Variants in GFM2 observed in about 807,000 individuals in gnomAD.
GFM2 encodes ribosome-releasing factor 2, mitochondrial.
GFM2 carries 72 observed loss-of-function variants against 95.4 expected under a neutral mutation model. The ratio of observed to expected loss-of-function variants is 0.76; its 90% CI spans 0.62 to 0.92. The LOEUF (loss-of-function observed/expected upper bound fraction) is 0.92. GFM2 is among the 40% of genes least tolerant of loss of function. GFM2 has a pLI of 0.00. For synonymous variants in GFM2, 276 were observed against 317.5 expected (o/e 0.87, Z 1.39); for missense variants, 825 against 924.1 (o/e 0.89, Z 1.39).
At chr5:74,755,204 T>C (rs552315349) in intron 5 of GFM2, among the ~76,000 whole-genome samples, 3 of 152,276 alleles carry the variant, frequency 2.0e-5, no homozygotes, top group African/African-American at 7.2e-5. Context: ...TACATCAGCA[T>C]GTAGAACATT....
rs753287997 is a variant in GFM2 at position 74,745,810 on chromosome 5, T to C, written c.717A>G (p.Val239=). 1.9e-6 allele frequency: 3 copies of C among 1,612,842 alleles called. No homozygotes were observed. The highest frequency in any genetic ancestry group is 1.7e-5 in the Admixed American group (1 of 60,000). ...AKTFKGVVDV[V]MKEKLLWNCN... ...AATTCCAAAGAAGTTTTTCTTTCAT[T>C]ACTACATCCACCACTCCTTTGAAAG... Residue 239 remains valine, a synonymous_variant, in exon 10 of 21, where the codon GTA becomes GTG. Coordinates refer to ENST00000296805, the MANE Select transcript of GFM2 (RefSeq NM_032380.5).
intron 5 of GFM2, among the ~76,000 whole-genome samples, chr5:74,754,978 C>T (rs1743906672): frequency 6.6e-6 from 1 of 152,084 alleles, no homozygotes; most frequent in Non-Finnish European, 1.5e-5. Flanking sequence ...CACCTATAAT[C>T]CCAGCTACTT....
At chr5:74,739,575 A>G (rs1374595000) in intron 12 of GFM2, among the ~76,000 whole-genome samples, 1 of 152,176 alleles carries the variant, frequency 6.6e-6, no homozygotes, top group Non-Finnish European at 1.5e-5. Context: ...AGGACTTATT[A>G]CTTAAGTACA....
Position 74,759,256 on chromosome 5 carries a change from T to C in GFM2, c.206+113A>G, listed in dbSNP as rs559924364. The C allele has an allele frequency of 2.2e-4, 154 of 698,104 alleles. No individual in the cohort carries two copies. In the African/African-American group the frequency reaches 2.6e-3, roughly 12 times the overall value. The allele number at this position is 698,104 out of a possible 1,614,324, so 43.2% of individuals were successfully genotyped here. ...ATACATTATCAACATCTACTTAAAATTGGCTAGGGCAGAAAGTCATAGAAA... is the reference window on the plus strand; with the variant it reads ...ATACATTATCAACATCTACTTAAAACTGGCTAGGGCAGAAAGTCATAGAAA... On this transcript the variant is annotated intron_variant, in intron 4 of 20. Transcript: ENST00000296805.
Position 74,721,782 on chromosome 5 carries a change from C to A in GFM2, c.2213G>T (p.Gly738Val), listed in dbSNP as rs139901493. The change falls in exon 21 of 21, where the codon GGT (glycine) becomes GTT (valine). Residue 738 changes from glycine to valine, a missense_variant and splice_region_variant. By Grantham distance (109) the Gly-to-Val change is moderately radical (BLOSUM62 -3). Coordinates refer to ENST00000296805, the MANE Select transcript of GFM2 (RefSeq NM_032380.5). ...IGFVPLAEIM[G>V]YSTVLRTLTS... ...TAGCGTTCGAAGCACAGTTGAATAA[C>A]CCTAATCAAAATAATTTAAGTCATT... The A allele has an allele frequency of 6.2e-7, 1 of 1,601,794 alleles. No homozygotes were observed. Among genetic ancestry groups the A allele is most frequent in the Non-Finnish European group, 8.5e-7 (1 of 1,176,938 alleles).
intron 17 of GFM2, among the ~76,000 whole-genome samples, chr5:74,727,054 G>A (rs1043996930): frequency 7.9e-5 from 12 of 152,122 alleles, no homozygotes; most frequent in Non-Finnish European, 1.8e-4. Context: ...TGTAGTCCTA[G>A]CTACTTGGGA....
At chr5:74,763,121 A>G (rs1744367081) in intron 2 of GFM2, among the ~76,000 whole-genome samples, 1 of 152,202 alleles carries the variant, frequency 6.6e-6, no homozygotes, top group Non-Finnish European at 1.5e-5. Flanking sequence ...TTAGAAAATA[A>G]TTTATAGTGT....
At chr5:74,733,139 A>C in intron 15 of GFM2, 41 bp from the exon 16 acceptor site, 1 of 1,415,480 alleles carries the variant, frequency 7.1e-7, no homozygotes, top group East Asian at 2.3e-5. Flanking sequence ...TTCATTTTTT[A>C]AATAATTTAT....
rs184213412 is a variant in GFM2, at chr5:74,726,313, T to C, written c.1727-187A>G. Among the ~76,000 whole-genome samples, 103 of 152,316 alleles carry C rather than the reference T, an allele frequency of 6.8e-4. 1 individual carries two copies. In the South Asian group the frequency reaches 9.7e-3, roughly 14 times the overall value. ...AGAGCTCTACCAACAAAGCATCTGC[T>C]TCTGTGTTGATCAATGTTAAAAACC... On this transcript the variant is annotated intron_variant, in intron 17 of 20. Coordinates refer to ENST00000296805, the MANE Select transcript of GFM2 (RefSeq NM_032380.5).
intron 2 of GFM2, 31 bp from the exon 3 acceptor site, chr5:74,761,017 A>C (rs1744256568): frequency 8.0e-7 from 1 of 1,254,828 alleles, no homozygotes; most frequent in East Asian, 2.3e-5. Flanking sequence ...CTTGGCATTA[A>C]TTTTATTTTA....
intron 4 of GFM2, 143 bp downstream of exon 4, chr5:74,759,226 C>T: frequency 1.6e-6 from 1 of 641,220 alleles, no homozygotes; most frequent in Non-Finnish European, 2.8e-6. Context: ...GAAAAAATAG[C>T]TAAGATACAT....
chr5:74,756,143 T>C (rs950190979), intron 5 of GFM2, among the ~76,000 whole-genome samples: 28 of 152,230 alleles, frequency 1.8e-4, no homozygotes, highest in Middle Eastern at 3.4e-3. Flanking sequence ...GAAAAAGCAT[T>C]TGACAAAATT....
rs1301372513 is a variant in GFM2, at chr5:74,725,675, T to G, written c.1993A>C (p.Met665Leu). Residue 665 changes from methionine (M) to leucine (L), a missense_variant, in exon 19 of 21, where the codon ATG becomes CTG. Transcript: ENST00000296805. ...LTIHPGTSTT[M>L]ISACVSRCVQ... ...CATCTTGAGACACAGGCAGAAATCATAGTTGTGGAGGTGCCAGGATGAATT... is the reference window on the plus strand; with the variant it reads ...CATCTTGAGACACAGGCAGAAATCAGAGTTGTGGAGGTGCCAGGATGAATT... 1 of 1,613,680 alleles carries G rather than the reference T, an allele frequency of 6.2e-7. No homozygotes were observed. Among genetic ancestry groups the G allele is most frequent in the Non-Finnish European group, 8.5e-7 (1 of 1,179,698 alleles).
At chr5:74,748,818 T>C (rs1023038236) in intron 7 of GFM2, among the ~76,000 whole-genome samples, 2 of 148,454 alleles carry the variant, frequency 1.3e-5, no homozygotes, top group South Asian at 2.1e-4. Context: ...TGAGCCAAGA[T>C]TGCACCACTG....
At position 74,726,006 on chromosome 5, in the gene GFM2, T is replaced by C. The variant is rs543482000; in HGVS notation, c.1847A>G (p.Asn616Ser). ...TTGGGAGACCTTCAAAAGGCCTTCA[T>C]TGATACTTTCAGCATACTCAAACTC... ...VIEFEYAESI[N>S]EGLLKVSQEA... The change falls in exon 18 of 21, where the codon AAT (asparagine) becomes AGT (serine). Residue 616 changes from asparagine (N) to serine (S), a missense_variant. By Grantham distance (46) the Asn-to-Ser change is conservative. Transcript: ENST00000296805. 7.6e-5 allele frequency: 122 copies of C among 1,600,390 alleles called. 1 individual carries two copies. Among genetic ancestry groups the C allele is most frequent in the South Asian group, 5.0e-4 (45 of 90,802 alleles).
intron 5 of GFM2, among the ~76,000 whole-genome samples, chr5:74,756,674 T>TAC (rs1464638613): frequency 6.6e-6 from 1 of 151,522 alleles, no homozygotes; most frequent in African/African-American, 2.4e-5. Flanking sequence ...TGTATATATA[T>TAC]ATACACACAC....
At chr5:74,733,171 CAGAT>C in intron 15 of GFM2, 73 bp from the exon 16 acceptor site, 1 of 1,111,944 alleles carries the variant, frequency 9.0e-7, no homozygotes, top group South Asian at 1.3e-5. Flanking sequence ...GTGGGTAAAA[CAGAT>C]GGATAAGCAA....
At chr5:74,748,921 A>T (rs1264198592) in intron 7 of GFM2, among the ~76,000 whole-genome samples, 1 of 139,652 alleles carries the variant, frequency 7.2e-6, no homozygotes, top group Non-Finnish European at 1.5e-5. Flanking sequence ...AAAAAATAAA[A>T]AAAAATAAAA....
At chr5:74,760,325 T>A (rs1358426468) in intron 3 of GFM2, among the ~76,000 whole-genome samples, 1 of 152,186 alleles carries the variant, frequency 6.6e-6, no homozygotes, top group African/African-American at 2.4e-5. Context: ...AGTATTTTTA[T>A]TCTATTATTC....
Sources: allele counts gnomAD v4.1 joint callset (sites outside exome capture counted in the v4.1 genomes callset), GRCh38; gene constraint gnomAD v4.1.1; transcripts MANE v1.5; gene names NCBI Gene and HGNC (gene_info 2026-07-23, HGNC 2026-07-21).